Variants in ITPRID2 observed in about 807,000 individuals in gnomAD.
The protein encoded by ITPRID2 is ITPR interacting domain containing 2.
Under a neutral mutation model 124.3 loss-of-function variants are expected in ITPRID2, and 60 were observed. The observed-to-expected ratio is 0.48, with a 90% CI of 0.39 to 0.60. The LOEUF (loss-of-function observed/expected upper bound fraction) is 0.60. ITPRID2 is among the 20% of genes least tolerant of loss of function. ITPRID2 has a pLI of 0.00. For missense variants in ITPRID2, 1,553 were observed against 1,512.2 expected (o/e 1.03, Z -0.45); for synonymous variants, 521 against 542.9 (o/e 0.96, Z 0.56).
chr2:181,908,100 C>A lies in ITPRID2; in HGVS notation c.1414-1799C>A, dbSNP rs1017024775. On this transcript the variant is annotated intron_variant, in intron 8 of 17. Coordinates refer to ENST00000431877, the MANE Select transcript of ITPRID2 (RefSeq NM_001130445.3). The stretch of plus-strand genomic sequence containing the variant: ...TTTAAAGGTGAGCAGCCGGGTGCGG[C>A]GGCTCACACCTTTAATCCCAGCACT... Among the ~76,000 whole-genome samples the A allele has an allele frequency of 2.0e-5, 3 of 152,058 alleles. No individual in the cohort carries two copies. In the South Asian group the frequency reaches 6.2e-4, roughly 32 times the overall value.
rs146481132 is a variant in ITPRID2 at position 181,914,736 on chromosome 2, G to A, written c.1576-480G>A. Among the ~76,000 whole-genome samples the A allele has an allele frequency of 1.1e-4, 16 of 152,276 alleles. No individual in the cohort carries two copies. The East Asian group carries it at 2.5e-3, about 24-fold the overall frequency. On this transcript the variant is annotated intron_variant, in intron 10 of 17. Coordinates refer to ENST00000431877, the MANE Select transcript of ITPRID2 (RefSeq NM_001130445.3). The stretch of plus-strand genomic sequence containing the variant: ...AAGTGTTCAGCTAAGGGAAATAACC[G>A]TAAGAGAAGAACTGATTCAGAAAAA...
In ITPRID2 at chr2:181,892,537, A is replaced by T. The variant is rs992290629; in HGVS notation, c.212-78A>T. On this transcript the variant is annotated intron_variant, in intron 1 of 17. Coordinates refer to ENST00000431877, the MANE Select transcript of ITPRID2 (RefSeq NM_001130445.3). The surrounding 1 kb of genome is among the most constrained non-coding windows in gnomAD (Gnocchi z 5.2). ...TGCATTTGCCGTGGTAGATTTTCCT[A>T]CTTGGGAGGGTCCAGGGTGACTCCG... 1.3e-6 allele frequency: 2 copies of T among 1,567,686 alleles called. No homozygotes were observed. The highest frequency in any genetic ancestry group is 2.7e-5 in the African/African-American group (2 of 73,946).
chr2:181,909,349 C>G (rs1439935468), intron 8 of ITPRID2, among the ~76,000 whole-genome samples: 1 of 152,118 alleles, frequency 6.6e-6, no homozygotes, highest in African/African-American at 2.4e-5. Context: ...GTTCTATTTT[C>G]AAAGATGCGA....
chr2:181,913,371 CTG>C (rs1402287786), intron 9 of ITPRID2, among the ~76,000 whole-genome samples: 2 of 152,116 alleles, frequency 1.3e-5, no homozygotes, highest in South Asian at 4.1e-4. Context: ...CCAGCCCTAA[CTG>C]TGTTTTTTAA....
chr2:181,915,529 C>T lies in ITPRID2; in HGVS notation c.1889C>T (p.Pro630Leu), dbSNP rs764082724. 1.5e-5 allele frequency: 24 copies of T among 1,614,018 alleles called. No individual in the cohort carries two copies. In the South Asian group the frequency reaches 1.9e-4, roughly 13 times the overall value. ...ACTGAAGTGGAAGAGGATTTGTTTC[C>T]AGCAGAGACAGTAGAGCTACTGAGG... ...EITEVEEDLF[P>L]AETVELLREA... Residue 630 changes from proline to leucine, a missense_variant, in exon 11 of 18, where the codon CCA (proline) becomes CTA (leucine). Coordinates refer to ENST00000431877, the MANE Select transcript of ITPRID2 (RefSeq NM_001130445.3).
Position 181,929,648 on chromosome 2 carries a change from T to C in ITPRID2, c.*101T>C, listed in dbSNP as rs1269294493. On this transcript the variant is annotated 3_prime_UTR_variant, in exon 18 of 18. Coordinates refer to ENST00000431877, the MANE Select transcript of ITPRID2 (RefSeq NM_001130445.3). ...TGTTATTTGTGCTTTAGAAGATACT[T>C]GCTGTTGAGCTGGGCTACTGTATAC... The C allele has an allele frequency of 6.2e-7, 1 of 1,611,222 alleles. No homozygotes were observed. Among genetic ancestry groups the C allele is most frequent in the Non-Finnish European group, 8.5e-7 (1 of 1,177,718 alleles).
intron 14 of ITPRID2, 94 bp from the exon 15 acceptor site, chr2:181,920,503 A>G: frequency 1.1e-6 from 1 of 893,836 alleles, no homozygotes; most frequent in Non-Finnish European, 1.6e-6. Context: ...AAGTCTTGTG[A>G]TTTGAAAAAA....
Position 181,891,777 on chromosome 2 carries a change from G to T in ITPRID2, c.-290G>T. 5.0e-6 allele frequency: 1 copy of T among 200,818 alleles called. No homozygotes were observed. Among genetic ancestry groups the T allele is most frequent in the South Asian group, 1.4e-4 (1 of 7,380 alleles). The allele number at this position is 200,818 out of a possible 1,614,324, so 12.4% of individuals were successfully genotyped here. On this transcript the variant is annotated 5_prime_UTR_variant, in exon 1 of 18. Coordinates refer to ENST00000431877, the MANE Select transcript of ITPRID2 (RefSeq NM_001130445.3). Reference sequence around the variant, plus strand: ...TCCGGGCGCGTCAGGCAGGGGGTGGGGAGCAGGGGCCGGGCGGGCGCTCGG... The same window carrying T: ...TCCGGGCGCGTCAGGCAGGGGGTGGTGAGCAGGGGCCGGGCGGGCGCTCGG...
rs142868465 is a variant in ITPRID2 at position 181,900,310 on chromosome 2, G to A, written c.504-386G>A. On this transcript the variant is annotated intron_variant, in intron 6 of 17. Transcript: ENST00000431877. The stretch of plus-strand genomic sequence containing the variant: ...CTCAAATTTCACAAAATGTCCCTCA[G>A]TTCCTTTTAATTTCTGCTTTAATCT... 7.2e-5 allele frequency among the ~76,000 whole-genome samples: 11 copies of A among 152,282 alleles called. 1 individual carries two copies. Among genetic ancestry groups the A allele is most frequent in the Middle Eastern group, 3.4e-3 (1 of 294 alleles).
intron 17 of ITPRID2, among the ~76,000 whole-genome samples, chr2:181,928,777 C>A (rs1431253849): frequency 6.6e-6 from 1 of 152,096 alleles, no homozygotes; most frequent in East Asian, 1.9e-4. Context: ...AGGCGCCAGC[C>A]ACTACGCCCG....
Position 181,910,019 on chromosome 2 carries a change from G to T in ITPRID2, c.1486+48G>T. On this transcript the variant is annotated intron_variant, in intron 9 of 17. Coordinates refer to ENST00000431877, the MANE Select transcript of ITPRID2 (RefSeq NM_001130445.3). This position sits in a 1 kb window ranked among gnomAD's most constrained non-coding sequence, Gnocchi z 4.1. Reference sequence around the variant, plus strand: ...GTTCTGAGCACATTATCAAATATTAGTTGATTTGGAAAAGGGGTTTTATGT... The same window carrying T: ...GTTCTGAGCACATTATCAAATATTATTTGATTTGGAAAAGGGGTTTTATGT... 6.9e-7 allele frequency: 1 copy of T among 1,446,446 alleles called. No homozygotes were observed. The highest frequency in any genetic ancestry group is 9.7e-7 in the Non-Finnish European group (1 of 1,033,818). 89.6% of individuals were successfully genotyped at this position (1,446,446 alleles called of 1,614,324 possible). A position where few individuals can be genotyped will look rare whatever the true frequency, so the allele number is the denominator to read the frequency against.
At position 181,918,750 on chromosome 2, in the gene ITPRID2, T is replaced by G; in HGVS notation, c.2866-5T>G. ...GAAGTGTAATTTTGTTATATTGCAT[T>G]CTAGAATACTTTTCAGGAGCTCCAG... On this transcript the variant is annotated splice_polypyrimidine_tract_variant and splice_region_variant and intron_variant, in intron 12 of 17. Transcript: ENST00000431877. 1 of 1,613,788 alleles carries G rather than the reference T, an allele frequency of 6.2e-7. No homozygotes were observed. Among genetic ancestry groups the G allele is most frequent in the East Asian group, 2.2e-5 (1 of 44,864 alleles).
At position 181,919,399 on chromosome 2, in the gene ITPRID2, C is replaced by G; in HGVS notation, c.3097C>G (p.Leu1033Val). ...GCGCCTGCTGGGCCTGGAGGAGCAG[C>G]TTCGTGCTGTGCGCATGCCTTCACC... ...EERLLGLEEQ[L>V]RAVRMPSPFR... is the part of the protein sequence containing the mutation. Residue 1033 changes from leucine to valine, a missense_variant, in exon 14 of 18, where the codon CTT becomes GTT. Leu to Val is a conservative substitution (Grantham distance 32, BLOSUM62 1). Transcript: ENST00000431877. This position sits in a 1 kb window ranked among gnomAD's most constrained non-coding sequence, Gnocchi z 4.2. 1 of 1,613,628 alleles carries G rather than the reference C, an allele frequency of 6.2e-7. No homozygotes were observed.
In ITPRID2 at chr2:181,919,423, C is replaced by T. The variant is rs1242977480; in HGVS notation, c.3121C>T (p.Pro1041Ser). 3.1e-6 allele frequency: 5 copies of T among 1,605,312 alleles called. No individual in the cohort carries two copies. The highest frequency in any genetic ancestry group is 4.3e-6 in the Non-Finnish European group (5 of 1,175,886). The change falls in exon 14 of 18, where the codon CCC (proline) becomes TCC (serine). Residue 1041 changes from proline to serine, a missense_variant. By Grantham distance (74) the Pro-to-Ser change is moderately conservative (BLOSUM62 -1). Coordinates refer to ENST00000431877, the MANE Select transcript of ITPRID2 (RefSeq NM_001130445.3). This position sits in a 1 kb window ranked among gnomAD's most constrained non-coding sequence, Gnocchi z 4.2. ...EQLRAVRMPS[P>S]FRSSALMGMC... Reference sequence around the variant, plus strand: ...GCTTCGTGCTGTGCGCATGCCTTCACCCTTCCGCTCCTCCGCACTCATGGT... The same window carrying T: ...GCTTCGTGCTGTGCGCATGCCTTCATCCTTCCGCTCCTCCGCACTCATGGT...
In ITPRID2 at chr2:181,897,652, G is replaced by T. The variant is rs532312326; in HGVS notation, c.364+688G>T. ...TATTTTATAGCTCATTGATCAAATT[G>T]CATAGATTATTCATAGCTGTATAGC... is the stretch of plus-strand genomic sequence containing the variant. On this transcript the variant is annotated intron_variant, in intron 4 of 17. Transcript: ENST00000431877. Among the ~76,000 whole-genome samples the T allele has an allele frequency of 1.3e-4, 19 of 151,560 alleles. No individual in the cohort carries two copies. In the South Asian group the frequency reaches 3.7e-3, roughly 30 times the overall value.
chr2:181,905,055 CT>C lies in ITPRID2; in HGVS notation c.1413+2605del, dbSNP rs869067212. ...ATGAATGTTTATAACGATGTTTTTTCTTTTTTTTTTTTTTTTGAGACGGAGT... is the reference window on the plus strand; with the variant it reads ...ATGAATGTTTATAACGATGTTTTTTCTTTTTTTTTTTTTTTGAGACGGAGT... On this transcript the variant is annotated intron_variant, in intron 8 of 17. Transcript: ENST00000431877. This position sits in a 1 kb window ranked among gnomAD's most constrained non-coding sequence, Gnocchi z 4.1. Among the ~76,000 whole-genome samples the C allele has an allele frequency of 7.7e-3, 1,056 of 136,360 alleles. 8 individuals are homozygous for C. The highest frequency in any genetic ancestry group is 0.017 in the African/African-American group (625 of 37,062). 89.5% of individuals were successfully genotyped at this position (136,360 alleles called of 152,430 possible).
Position 181,916,068 on chromosome 2 carries a change from G to C in ITPRID2, c.2428G>C (p.Glu810Gln), listed in dbSNP as rs1465492756. 5 of 1,614,170 alleles carry C rather than the reference G, an allele frequency of 3.1e-6. No homozygotes were observed. Among genetic ancestry groups the C allele is most frequent in the Non-Finnish European group, 4.2e-6 (5 of 1,180,030 alleles). The change falls in exon 11 of 18, where the codon GAA (glutamate) becomes CAA (glutamine). Residue 810 changes from glutamate (E) to glutamine (Q), a missense_variant. Coordinates refer to ENST00000431877, the MANE Select transcript of ITPRID2 (RefSeq NM_001130445.3). ...IFISPSSVKK[E>Q]EAPQSEAPRV... ...CATCTCTCCATCATCTGTGAAGAAA[G>C]AAGAAGCCCCCCAGAGTGAGGCGCC...
Position 181,902,380 on chromosome 2 carries a change from C to A in ITPRID2, c.1327C>A (p.Pro443Thr). The change falls in exon 8 of 18, where the codon CCT becomes ACT. Residue 443 changes from proline (P) to threonine (T), a missense_variant. Pro to Thr is a conservative substitution (Grantham distance 38). Transcript: ENST00000431877. The surrounding 1 kb of genome is among the most constrained non-coding windows in gnomAD (Gnocchi z 4.4). ...GCTGAAAAGTGTCCATATATCCACA[C>A]CTGAAAAAGAGCCTTGTGCACCACT... is the stretch of plus-strand genomic sequence containing the variant. ...SELKSVHIST[P>T]EKEPCAPLTI... 6.2e-7 allele frequency: 1 copy of A among 1,613,730 alleles called. No individual in the cohort carries two copies. Among genetic ancestry groups the A allele is most frequent in the South Asian group, 1.1e-5 (1 of 91,030 alleles).
At position 181,929,683 on chromosome 2, in the gene ITPRID2, T is replaced by C; in HGVS notation, c.*136T>C. 2.7e-6 allele frequency: 4 copies of C among 1,464,608 alleles called. No individual in the cohort carries two copies. Among genetic ancestry groups the C allele is most frequent in the Non-Finnish European group, 3.7e-6 (4 of 1,069,806 alleles). 90.7% of individuals were successfully genotyped at this position (1,464,608 alleles called of 1,614,324 possible). A position where few individuals can be genotyped will look rare whatever the true frequency, so the allele number is the denominator to read the frequency against. ...CTGGGCTACTGTATACAGTGTACAA[T>C]GTGTATTTCTTCAACCATATATTTT... On this transcript the variant is annotated 3_prime_UTR_variant, in exon 18 of 18. Transcript: ENST00000431877.
Sources: allele counts gnomAD v4.1 joint callset (sites outside exome capture counted in the v4.1 genomes callset), GRCh38; gene constraint gnomAD v4.1.1; non-coding constraint Gnocchi (gnomAD v3.1); transcripts MANE v1.5; gene names NCBI Gene and HGNC (gene_info 2026-07-23, HGNC 2026-07-21).